AUTS2: variants seen among roughly 807,000 people sequenced by gnomAD.
AUTS2 encodes the protein autism susceptibility gene 2 protein.
In AUTS2, 17 loss-of-function variants were observed where a neutral mutation model predicts 112.4. That is an observed-to-expected ratio of 0.15 (90% CI 0.10 to 0.23). AUTS2 has a LOEUF of 0.23. Ranked by LOEUF, AUTS2 falls within the 10% of genes least tolerant of loss-of-function variation. The probability of loss-of-function intolerance (pLI) is 1.00; values close to 1 mark genes in which losing one functional copy is unlikely to be tolerated. For missense variants in AUTS2, 1,510 were observed against 1,701.6 expected (o/e 0.89, Z 1.98); for synonymous variants, 751 against 702.7 (o/e 1.07, Z -1.09).
At chr7:70,698,485 C>T in intron 5 of AUTS2, 84 bp from the exon 6 acceptor site, 1 of 1,214,218 alleles carries the variant, frequency 8.2e-7, no homozygotes, top group Non-Finnish European at 1.2e-6. Context: ...ATGTAGTCAA[C>T]TGATTTAAAA....
intron 2 of AUTS2, among the ~76,000 whole-genome samples, chr7:69,968,585 G>C (rs921052701): frequency 6.6e-6 from 1 of 152,180 alleles, no homozygotes; most frequent in African/African-American, 2.4e-5. Flanking sequence ...TGCAGATCAA[G>C]AAATGAGATT....
intron 2 of AUTS2, among the ~76,000 whole-genome samples, chr7:69,901,324 T>C (rs1794961723): frequency 6.6e-6 from 1 of 151,968 alleles, no homozygotes; most frequent in Non-Finnish European, 1.5e-5. Context: ...GAAGCCTTCT[T>C]ACTCTGAGTT....
chr7:70,376,242 T>A (rs1355378442), intron 4 of AUTS2, among the ~76,000 whole-genome samples: 1 of 152,220 alleles, frequency 6.6e-6, no homozygotes, highest in Non-Finnish European at 1.5e-5. Flanking sequence ...TTTACCTGCC[T>A]TTTCTGTGGT....
chr7:70,336,510 G>C (rs10244275), intron 4 of AUTS2, among the ~76,000 whole-genome samples: 44,661 of 152,114 alleles, frequency 0.29, 6,873 homozygotes, highest in African/African-American at 0.38. Flanking sequence ...GCTGATGCCT[G>C]TATACCTTGA....
At chr7:69,811,275 C>G (rs1180002622) in intron 1 of AUTS2, among the ~76,000 whole-genome samples, 1 of 152,020 alleles carries the variant, frequency 6.6e-6, no homozygotes, top group Non-Finnish European at 1.5e-5. Context: ...AAAAGGTTTT[C>G]TTCTCTGTGA....
At chr7:70,558,998 C>T (rs953074901) in intron 5 of AUTS2, among the ~76,000 whole-genome samples, 33 of 152,292 alleles carry the variant, frequency 2.2e-4, no homozygotes, top group Non-Finnish European at 7.4e-5. Flanking sequence ...AATCCCCATA[C>T]GTTGTGGGAG....
intron 4 of AUTS2, among the ~76,000 whole-genome samples, chr7:70,144,077 G>A (rs949773190): frequency 6.6e-6 from 1 of 151,802 alleles, no homozygotes; most frequent in African/African-American, 2.4e-5. Flanking sequence ...ATCCAAGCCC[G>A]TGCTGTGCCA....
At chr7:70,287,402 A>G (rs1447407223) in intron 4 of AUTS2, among the ~76,000 whole-genome samples, 1 of 152,228 alleles carries the variant, frequency 6.6e-6, no homozygotes, top group Non-Finnish European at 1.5e-5. Context: ...CTGTCAGAAT[A>G]TTAGAAATAC....
intron 5 of AUTS2, chr7:70,437,932 C>G (rs952826984): frequency 6.6e-6 from 1 of 151,922 alleles, no homozygotes; most frequent in African/African-American, 2.4e-5. Context: ...GTTTTGTGTT[C>G]CTTGTAAATG....
At chr7:70,034,197 C>T (rs1408626719) in intron 2 of AUTS2, among the ~76,000 whole-genome samples, 3 of 152,118 alleles carry the variant, frequency 2.0e-5, no homozygotes, top group Admixed American at 6.6e-5. Flanking sequence ...TCTGAAAAAT[C>T]AGAGTCGTGG....
At chr7:70,641,838 C>G (rs900781425) in intron 5 of AUTS2, among the ~76,000 whole-genome samples, 3 of 152,180 alleles carry the variant, frequency 2.0e-5, no homozygotes, top group African/African-American at 7.2e-5. Context: ...TCTTGTCACT[C>G]CACATAACAT....
chr7:69,859,825 A>C (rs1319675965), intron 1 of AUTS2, among the ~76,000 whole-genome samples: 1 of 152,168 alleles, frequency 6.6e-6, no homozygotes, highest in African/African-American at 2.4e-5. Flanking sequence ...AAACAACAAC[A>C]ACAAAACCCT....
intron 1 of AUTS2, among the ~76,000 whole-genome samples, chr7:69,872,957 C>T (rs1562941342): frequency 6.7e-6 from 1 of 149,282 alleles, no homozygotes; most frequent in African/African-American, 2.5e-5. Flanking sequence ...ATTCTCCTGC[C>T]TCAGCCTCCC....
rs557122209 is a variant in AUTS2 at position 70,742,467 on chromosome 7, A to G, written c.743-20403A>G. 2.0e-5 allele frequency among the ~76,000 whole-genome samples: 3 copies of G among 152,332 alleles called. No individual in the cohort carries two copies. The South Asian group carries it at 6.2e-4, about 32-fold the overall frequency. On this transcript the variant is annotated intron_variant, in intron 6 of 18. Coordinates refer to ENST00000342771, the MANE Select transcript of AUTS2 (RefSeq NM_015570.4). ...ATTTCACCTATCAAGTTTCTGATTTAAAAGTGAAATTTCAGCCAGGCACGG... is the reference window on the plus strand; with the variant it reads ...ATTTCACCTATCAAGTTTCTGATTTGAAAGTGAAATTTCAGCCAGGCACGG...
chr7:70,185,257 C>CT (rs35215443), intron 4 of AUTS2, among the ~76,000 whole-genome samples: 1,067 of 87,100 alleles, frequency 0.012, 35 homozygotes, highest in Non-Finnish European at 0.015. Flanking sequence ...TGACATTAAA[C>CT]TTTTTTTTTT....
intron 1 of AUTS2, among the ~76,000 whole-genome samples, chr7:69,630,313 G>T (rs1286232962): frequency 1.3e-5 from 2 of 152,134 alleles, no homozygotes; most frequent in Non-Finnish European, 2.9e-5. Context: ...TCCATGTCAG[G>T]AATTTCCTCT....
Position 70,731,420 on chromosome 7 carries a change from CTTTTTTTTTTTTT to C in AUTS2, c.743-31435_743-31423del, listed in dbSNP as rs56244002. 4.3e-5 allele frequency among the ~76,000 whole-genome samples: 3 copies of C among 69,508 alleles called. 1 individual carries two copies. Among genetic ancestry groups the C allele is most frequent in the East Asian group, 1.1e-3 (2 of 1,798 alleles). 45.6% of individuals were successfully genotyped at this position (69,508 alleles called of 152,430 possible). On this transcript the variant is annotated intron_variant, in intron 6 of 18. Coordinates refer to ENST00000342771, the MANE Select transcript of AUTS2 (RefSeq NM_015570.4). The stretch of plus-strand genomic sequence containing the variant: ...GCTCATATATCCCCTTTACCCAGAT[CTTTTTTTTTTTTT>C]TTTTTTTTTTTTTTGAGACAGAGTC...
intron 4 of AUTS2, among the ~76,000 whole-genome samples, chr7:70,342,756 C>T (rs1371836540): frequency 6.6e-6 from 1 of 152,154 alleles, no homozygotes; most frequent in Non-Finnish European, 1.5e-5. Flanking sequence ...ACAGAGAATA[C>T]ACTGCCCTCC....
intron 4 of AUTS2, among the ~76,000 whole-genome samples, chr7:70,139,828 G>A (rs982746308): frequency 5.9e-5 from 9 of 151,896 alleles, no homozygotes; most frequent in African/African-American, 1.9e-4. Context: ...GTGAAACCCC[G>A]TCTCTCTACC....
Sources: allele counts gnomAD v4.1 joint callset (sites outside exome capture counted in the v4.1 genomes callset), GRCh38; gene constraint gnomAD v4.1.1; transcripts MANE v1.5; gene names NCBI Gene and HGNC (gene_info 2026-07-23, HGNC 2026-07-21).